TRIO: variants seen among roughly 807,000 people sequenced by gnomAD.
TRIO encodes triple functional domain protein.
TRIO carries 58 observed loss-of-function variants against 351.9 expected under a neutral mutation model. The ratio of observed to expected loss-of-function variants is 0.16; its 90% CI spans 0.13 to 0.21. TRIO has a LOEUF of 0.21. TRIO is among the 10% of genes least tolerant of loss of function. The pLI, the probability that TRIO is intolerant of heterozygous loss-of-function variation, is 1.00. For missense variants in TRIO, 3,201 were observed against 4,027.8 expected, an observed-to-expected ratio of 0.79 and a Z score of 5.56; for synonymous variants, 1,758 against 1,595.7, an observed-to-expected ratio of 1.10 and a Z score of -2.42.
intron 6 of TRIO, 69 bp from the exon 7 acceptor site, chr5:14,297,002 TG>T: frequency 7.0e-7 from 1 of 1,434,058 alleles, no homozygotes; most frequent in Non-Finnish European, 9.5e-7. Flanking sequence ...AGGTGGCATC[TG>T]GGCTTCTTAG....
chr5:14,483,474 C>T (rs1272365180), intron 46 of TRIO, among the ~76,000 whole-genome samples: 5 of 152,178 alleles, frequency 3.3e-5, no homozygotes, highest in Non-Finnish European at 5.9e-5. Context: ...TCCTGCCCTA[C>T]GCCATCAGGG....
intron 1 of TRIO, among the ~76,000 whole-genome samples, chr5:14,184,187 G>A (rs1789964700): frequency 6.6e-6 from 1 of 152,048 alleles, no homozygotes; most frequent in Non-Finnish European, 1.5e-5. Context: ...ATCCTGTGGG[G>A]ATTTAGAAAT....
chr5:14,440,444 G>A (rs1751934437), intron 34 of TRIO, among the ~76,000 whole-genome samples: 1 of 152,214 alleles, frequency 6.6e-6, no homozygotes, highest in South Asian at 2.1e-4. Context: ...GGACAAGGGA[G>A]CGAACATATG....
chr5:14,481,558 G>A lies in TRIO; in HGVS notation c.6405G>A (p.Met2135Ile), dbSNP rs1291590908. The change falls in exon 45 of 57, where the codon ATG becomes ATA. Residue 2135 changes from methionine to isoleucine, a missense_variant. Physicochemically the swap from Met to Ile is conservative, Grantham distance 10. Around this residue, in one of 19 missense-constraint regions of TRIO, gnomAD observed 307 missense variants for 396.5 expected, o/e 0.77. Coordinates refer to ENST00000344204, the MANE Select transcript of TRIO (RefSeq NM_007118.4). ...TCCCACAGAGAGCTGTGGAAGTCAT[G>A]TGCATAGTACCCAGGCGGTGCAACG... ...TSELERAVEV[M>I]CIVPRRCNDM... 3.7e-6 allele frequency: 6 copies of A among 1,614,174 alleles called. No individual in the cohort carries two copies. The highest frequency in any genetic ancestry group is 5.1e-6 in the Non-Finnish European group (6 of 1,180,038).
rs563567730 is a variant in TRIO, at chr5:14,509,826, G to A, written c.*1404G>A. On this transcript the variant is annotated 3_prime_UTR_variant, in exon 57 of 57. Transcript: ENST00000344204. ...TTCTGGATGTCTTTTTATCTTTCTC[G>A]TGTGAACTGCACTACAAAAGAGACC... 9.4e-4 allele frequency: 172 copies of A among 182,420 alleles called. 1 individual carries two copies. The highest frequency in any genetic ancestry group is 3.6e-3 in the South Asian group (35 of 9,610). The allele number at this position is 182,420 out of a possible 1,614,324, so 11.3% of individuals were successfully genotyped here.
intron 1 of TRIO, among the ~76,000 whole-genome samples, 154 bp downstream of exon 1, chr5:14,144,036 G>A (rs1787337390): frequency 6.6e-6 from 1 of 151,802 alleles, no homozygotes; most frequent in Non-Finnish European, 1.5e-5. Flanking sequence ...CTGCTTCCAT[G>A]CGCCGGGGCT....
At chr5:14,407,827 C>A (rs1326695034) in intron 33 of TRIO, among the ~76,000 whole-genome samples, 2 of 152,208 alleles carry the variant, frequency 1.3e-5, no homozygotes, top group Non-Finnish European at 2.9e-5. Flanking sequence ...TGTTCTCTGT[C>A]AGCCAGTGGG....
intron 37 of TRIO, among the ~76,000 whole-genome samples, chr5:14,467,291 A>G (rs2126531203): frequency 6.6e-6 from 1 of 152,328 alleles, no homozygotes; most frequent in Middle Eastern, 3.4e-3. Context: ...GGTACCAGAT[A>G]TATCATTCCC....
rs914661448 is a variant in TRIO, at chr5:14,202,963, A to G, written c.157+59081A>G. ...ATTTTTATTTATGCTTTTATTTATAATTTTTAAGATCCACTCAGTCAACCT... is the reference window on the plus strand; with the variant it reads ...ATTTTTATTTATGCTTTTATTTATAGTTTTTAAGATCCACTCAGTCAACCT... On this transcript the variant is annotated intron_variant, in intron 1 of 56. Transcript: ENST00000344204. Among the ~76,000 whole-genome samples, 5 of 152,132 alleles carry G rather than the reference A, an allele frequency of 3.3e-5. No homozygotes were observed. The East Asian group carries it at 5.8e-4, about 18-fold the overall frequency.
chr5:14,302,298 G>T (rs1338342585), intron 7 of TRIO, among the ~76,000 whole-genome samples: 1 of 152,102 alleles, frequency 6.6e-6, no homozygotes, highest in African/African-American at 2.4e-5. Context: ...TTAAGAATAC[G>T]TTGCAACTCC....
chr5:14,146,212 G>A (rs1449658030), intron 1 of TRIO, among the ~76,000 whole-genome samples: 1 of 152,138 alleles, frequency 6.6e-6, no homozygotes, highest in Non-Finnish European at 1.5e-5. Flanking sequence ...AACAGTCAGG[G>A]CTGACCGGGC....
At chr5:14,179,698 C>T (rs369871995) in intron 1 of TRIO, among the ~76,000 whole-genome samples, 3 of 152,146 alleles carry the variant, frequency 2.0e-5, no homozygotes, top group African/African-American at 4.8e-5. Context: ...ATCCTCCCAG[C>T]GTGCTGGAAT....
intron 1 of TRIO, among the ~76,000 whole-genome samples, chr5:14,223,003 C>A (rs78607142): frequency 5.9e-5 from 9 of 152,116 alleles, no homozygotes; most frequent in African/African-American, 2.2e-4. Context: ...TGTTGGAATC[C>A]TGGGCATGAA....
At chr5:14,423,403 T>G (rs1465883392) in intron 34 of TRIO, among the ~76,000 whole-genome samples, 1 of 152,268 alleles carries the variant, frequency 6.6e-6, no homozygotes, top group Non-Finnish European at 1.5e-5. Context: ...AAGTTCTCTT[T>G]CCTTCCCATT....
chr5:14,375,776 G>A (rs1745505374), intron 19 of TRIO, among the ~76,000 whole-genome samples: 1 of 152,122 alleles, frequency 6.6e-6, no homozygotes, highest in Non-Finnish European at 1.5e-5. Flanking sequence ...CAGAGACTGT[G>A]GAAATAGGAG....
At chr5:14,270,997 C>T in intron 2 of TRIO, 98 bp downstream of exon 2, 1 of 854,398 alleles carries the variant, frequency 1.2e-6, no homozygotes, top group South Asian at 1.5e-5. Flanking sequence ...CATATAAAAA[C>T]ATTGGCATTT....
rs980138366 is a variant in TRIO at position 14,389,345 on chromosome 5, C to T, written c.4005C>T (p.Asn1335=). 5.0e-6 allele frequency: 8 copies of T among 1,612,494 alleles called. No homozygotes were observed. Among genetic ancestry groups the T allele is most frequent in the Non-Finnish European group, 6.8e-6 (8 of 1,179,454 alleles). Residue 1335 remains asparagine (N), a synonymous_variant, in exon 25 of 57, where the codon AAC becomes AAT. Transcript: ENST00000344204. ...GVEEIPPGIV[N]KELIIFGNMQ... Reference sequence around the variant, plus strand: ...AAGAGATTCCACCTGGCATTGTAAACAAAGAACTCATCATCTTCGGAAACA... The same window carrying T: ...AAGAGATTCCACCTGGCATTGTAAATAAAGAACTCATCATCTTCGGAAACA...
chr5:14,270,573 G>C (rs961498751), intron 1 of TRIO, among the ~76,000 whole-genome samples: 2 of 152,180 alleles, frequency 1.3e-5, no homozygotes, highest in African/African-American at 4.8e-5. Flanking sequence ...AGTTGTTATT[G>C]CTAGAAATGA....
intron 34 of TRIO, among the ~76,000 whole-genome samples, chr5:14,454,120 G>T (rs112903256): frequency 6.6e-6 from 1 of 152,000 alleles, no homozygotes; most frequent in Non-Finnish European, 1.5e-5. Context: ...GTAGAAACAG[G>T]GTTTCATCAT....
Sources: allele counts gnomAD v4.1 joint callset (sites outside exome capture counted in the v4.1 genomes callset), GRCh38; gene constraint gnomAD v4.1.1; regional missense constraint gnomAD v4.1.1; transcripts MANE v1.5; gene names NCBI Gene and HGNC (gene_info 2026-07-23, HGNC 2026-07-21).